The following NAALADL2 variants were observed in gnomAD, a reference collection of about 807,000 sequenced individuals.
The protein encoded by NAALADL2 is N-acetylated alpha-linked acidic dipeptidase like 2, also known as inactive N-acetylated-alpha-linked acidic dipeptidase-like protein 2.
NAALADL2 carries 76 observed loss-of-function variants against 87.2 expected under a neutral mutation model. The ratio of observed to expected loss-of-function variants is 0.87; its 90% CI spans 0.72 to 1.05. The LOEUF (loss-of-function observed/expected upper bound fraction) is 1.05. Ranked by LOEUF, NAALADL2 falls within the 50% of genes least tolerant of loss-of-function variation. The pLI is 0.00. For missense variants in NAALADL2, 1,089 were observed against 945.8 expected, an observed-to-expected ratio of 1.15 and a Z score of -1.99; for synonymous variants, 354 against 331.0, an observed-to-expected ratio of 1.07 and a Z score of -0.75.
At chr3:175,801,194 A>T (rs148170121) in intron 13 of NAALADL2, among the ~76,000 whole-genome samples, 338 of 152,292 alleles carry the variant, frequency 2.2e-3, no homozygotes, top group African/African-American at 7.8e-3. Context: ...GTCACCTTTC[A>T]TCTGGACTAA....
At position 174,751,617 on chromosome 3, in the gene NAALADL2, C is replaced by T. The variant is rs190027217; in HGVS notation, c.-9+13871C>T. The stretch of plus-strand genomic sequence containing the variant: ...GACTGAGGTTGCAGTGAGCCGAGAT[C>T]GTGCCACTGCACTCCAGCCTTGCTG... On this transcript the variant is annotated intron_variant, in intron 3 of 3. Transcript: ENST00000434257. Among the ~76,000 whole-genome samples, 515 of 148,250 alleles carry T rather than the reference C, an allele frequency of 3.5e-3. 2 individuals are homozygous for T. Among genetic ancestry groups the T allele is most frequent in the Non-Finnish European group, 4.1e-3 (275 of 67,522 alleles).
At chr3:175,011,293 AGAGAG>A (rs1749785592) in intron 1 of NAALADL2, among the ~76,000 whole-genome samples, 1 of 150,756 alleles carries the variant, frequency 6.6e-6, no homozygotes, top group Non-Finnish European at 1.5e-5. Flanking sequence ...AGAGAGAGAG[AGAGAG>A]AGAGAGAGAG....
rs376686703 is a variant in NAALADL2 at position 174,863,193 on chromosome 3, G to A, written c.43+3743G>A. ...CACAGAAGCCATTGCCAGAGGCCAC[G>A]TCTCTAACCTGCTGCTCAAAACTGC... On this transcript the variant is annotated intron_variant, in intron 1 of 13. Transcript: ENST00000454872. Among the ~76,000 whole-genome samples the A allele has an allele frequency of 4.6e-5, 7 of 152,238 alleles. No homozygotes were observed. In the South Asian group the frequency reaches 6.2e-4, roughly 14 times the overall value.
chr3:175,324,226 C>G lies in NAALADL2; in HGVS notation c.991C>G (p.Pro331Ala). ...TGGAGGTGTTCTTCTGTATATCGAT[C>G]CTTGTGATTTGCCAAAGACTGTGAA... Reference protein sequence around the residue: ...GFGGVLLYIDPCDLPKTVNPS... With the variant: ...GFGGVLLYIDACDLPKTVNPS... Residue 331 changes from proline (P) to alanine (A), a missense_variant, in exon 5 of 14, where the codon CCT becomes GCT. Pro to Ala is a conservative substitution (Grantham distance 27). Transcript: ENST00000454872. 6.2e-7 allele frequency: 1 copy of G among 1,613,548 alleles called. No individual in the cohort carries two copies. The highest frequency in any genetic ancestry group is 8.5e-7 in the Non-Finnish European group (1 of 1,179,632).
intron 2 of NAALADL2, among the ~76,000 whole-genome samples, chr3:175,136,882 G>A (rs536376282): frequency 1.4e-4 from 21 of 152,182 alleles, no homozygotes; most frequent in Admixed American, 1.2e-3. Flanking sequence ...CATCAAATAA[G>A]GCTTTGGTTT....
At chr3:175,769,236 A>C (rs928353306) in intron 13 of NAALADL2, among the ~76,000 whole-genome samples, 15 of 152,246 alleles carry the variant, frequency 9.9e-5, no homozygotes, top group Non-Finnish European at 1.0e-4. Context: ...GACACTGAGA[A>C]TACAATGCTC....
intron 11 of NAALADL2, among the ~76,000 whole-genome samples, chr3:175,652,484 T>TC (rs1323542631): frequency 1.4e-5 from 2 of 147,862 alleles, no homozygotes; most frequent in Non-Finnish European, 3.0e-5. Context: ...TCTTTCTTTT[T>TC]TTTTTTTTTT....
At chr3:174,560,214 T>G (rs893439776) in intron 2 of NAALADL2, among the ~76,000 whole-genome samples, 2 of 152,230 alleles carry the variant, frequency 1.3e-5, no homozygotes, top group East Asian at 3.9e-4. Flanking sequence ...TGATTTTTCC[T>G]GCTTTTACAA....
intron 1 of NAALADL2, among the ~76,000 whole-genome samples, chr3:174,909,839 A>T (rs1733462700): frequency 6.6e-6 from 1 of 152,106 alleles, no homozygotes; most frequent in South Asian, 2.1e-4. Flanking sequence ...TGTTTTTATT[A>T]TTTCGATTTC....
At chr3:174,755,528 G>T (rs577227412) in intron 3 of NAALADL2, among the ~76,000 whole-genome samples, 26 of 151,784 alleles carry the variant, frequency 1.7e-4, no homozygotes, top group Non-Finnish European at 5.9e-5. Flanking sequence ...AAAAAATTTC[G>T]AGCCACCTCT....
intron 2 of NAALADL2, among the ~76,000 whole-genome samples, chr3:174,672,199 G>A: frequency 6.6e-6 from 1 of 152,076 alleles, no homozygotes; most frequent in South Asian, 2.1e-4. Context: ...CCCACATTGG[G>A]ACAATAGCTA....
intron 3 of NAALADL2, among the ~76,000 whole-genome samples, chr3:174,805,232 A>G (rs1251552936): frequency 6.6e-6 from 1 of 152,068 alleles, no homozygotes; most frequent in Admixed American, 6.6e-5. Context: ...CAAACCTGGG[A>G]TTGGCCAAAA....
intron 3 of NAALADL2, among the ~76,000 whole-genome samples, chr3:174,755,376 G>A (rs768832056): frequency 6.6e-6 from 1 of 152,208 alleles, no homozygotes; most frequent in Non-Finnish European, 1.5e-5. Flanking sequence ...CTTAAGCATT[G>A]AATTAAGATT....
intron 11 of NAALADL2, among the ~76,000 whole-genome samples, chr3:175,628,205 A>T (rs1397733212): frequency 6.6e-6 from 1 of 151,744 alleles, no homozygotes; most frequent in African/African-American, 2.4e-5. Context: ...GACAAATTAC[A>T]TGAGACATTC....
chr3:174,924,621 C>G (rs1291360740), intron 1 of NAALADL2, among the ~76,000 whole-genome samples: 1 of 152,014 alleles, frequency 6.6e-6, no homozygotes, highest in African/African-American at 2.4e-5. Context: ...GTTCTAGATC[C>G]TTGAGGAATC....
chr3:174,661,249 T>C (rs566593716), intron 2 of NAALADL2, among the ~76,000 whole-genome samples: 1 of 152,306 alleles, frequency 6.6e-6, no homozygotes, highest in East Asian at 1.9e-4. Flanking sequence ...ATCAATAACG[T>C]AGAATATTGG....
chr3:174,963,452 A>G (rs1286342422), intron 1 of NAALADL2, among the ~76,000 whole-genome samples: 2 of 152,158 alleles, frequency 1.3e-5, no homozygotes, highest in Non-Finnish European at 2.9e-5. Context: ...TTGAAAAATT[A>G]TGACTGATTA....
chr3:175,132,946 G>T (rs1189884337), intron 2 of NAALADL2, among the ~76,000 whole-genome samples: 1 of 151,718 alleles, frequency 6.6e-6, no homozygotes, highest in African/African-American at 2.4e-5. Flanking sequence ...TTGCCAGACA[G>T]AGGGTCTCCT....
At chr3:174,843,013 T>C (rs1262853925) in intron 3 of NAALADL2, among the ~76,000 whole-genome samples, 8 of 152,186 alleles carry the variant, frequency 5.3e-5, no homozygotes, top group Admixed American at 5.2e-4. Flanking sequence ...TATATATTTA[T>C]GAGGTTCAAT....
Sources: allele counts gnomAD v4.1 joint callset (sites outside exome capture counted in the v4.1 genomes callset), GRCh38; gene constraint gnomAD v4.1.1; transcripts MANE v1.5; gene names NCBI Gene and HGNC (gene_info 2026-07-23, HGNC 2026-07-21).